SEPTIN9: variants seen among roughly 807,000 people sequenced by gnomAD.
SEPTIN9 encodes the protein septin 9.
Under a neutral mutation model 56.6 loss-of-function variants are expected in SEPTIN9, and 13 were observed. The ratio of observed to expected loss-of-function variants is 0.23; its 90% confidence interval spans 0.15 to 0.37. SEPTIN9 has a LOEUF of 0.37. Ranked by LOEUF, SEPTIN9 falls within the 10% of genes least tolerant of loss-of-function variation. The pLI is 1.00. For synonymous variants in SEPTIN9, 332 were observed against 334.1 expected, an observed-to-expected ratio of 0.99 and a Z score of 0.07; for missense variants, 650 against 823.1, an observed-to-expected ratio of 0.79 and a Z score of 2.57.
chr17:77,478,027 G>A (rs888607084), intron 3 of SEPTIN9, among the ~76,000 whole-genome samples: 1 of 151,980 alleles, frequency 6.6e-6, no homozygotes, highest in African/African-American at 2.4e-5. Context: ...GGGGTCACAG[G>A]TGTTAACCGC....
chr17:77,488,897 G>A (rs370194228), intron 7 of SEPTIN9, 33 bp downstream of exon 7: 9 of 1,609,698 alleles, frequency 5.6e-6, no homozygotes, highest in South Asian at 3.3e-5. Flanking sequence ...TCCTCATGCC[G>A]GGTGCCCTGG....
intron 2 of SEPTIN9, among the ~76,000 whole-genome samples, chr17:77,331,734 G>C (rs1178501982): frequency 6.6e-6 from 1 of 152,192 alleles, no homozygotes; most frequent in Non-Finnish European, 1.5e-5. Flanking sequence ...GAATGCACCG[G>C]AGGGCAGATG....
intron 4 of SEPTIN9, among the ~76,000 whole-genome samples, chr17:77,485,095 GTGAT>G (rs1377280425): frequency 2.2e-5 from 1 of 45,054 alleles, no homozygotes. Context: ...GGTGATGGTG[GTGAT>G]TGTGGTGATG....
intron 2 of SEPTIN9, among the ~76,000 whole-genome samples, chr17:77,332,614 G>A (rs148970823): frequency 3.9e-5 from 6 of 152,266 alleles, no homozygotes; most frequent in South Asian, 2.1e-4. Context: ...AGGTATCCAC[G>A]TGTATCCCAG....
intron 1 of SEPTIN9, among the ~76,000 whole-genome samples, chr17:77,287,576 T>A (rs2031337627): frequency 6.6e-6 from 1 of 152,242 alleles, no homozygotes; most frequent in Non-Finnish European, 1.5e-5. Flanking sequence ...TGGCCTGGCC[T>A]TGGGTCTCCA....
At chr17:77,379,980 C>G (rs1186737752) in intron 2 of SEPTIN9, 2 of 155,228 alleles carry the variant, frequency 1.3e-5, no homozygotes, top group African/African-American at 4.8e-5. Flanking sequence ...GTCCGGAACT[C>G]TCTGGAACAC....
chr17:77,347,207 G>A (rs2033918421), intron 2 of SEPTIN9, among the ~76,000 whole-genome samples: 2 of 151,966 alleles, frequency 1.3e-5, no homozygotes, highest in African/African-American at 2.4e-5. Flanking sequence ...GTGAAACCTT[G>A]TCTCTACTAA....
rs1438509540 is a variant in SEPTIN9, at chr17:77,421,129, G to A, written c.721+18426G>A. On this transcript the variant is annotated intron_variant, in intron 3 of 11. Transcript: ENST00000427177. The surrounding 1 kb of genome is among the most constrained non-coding windows in gnomAD (Gnocchi z 4.6). ...GAGTGATAACACAGCCCAGTGTCTG[G>A]GCCCCTGCCTGAGACTTTGGCTGGA... is the stretch of plus-strand genomic sequence containing the variant. 6.6e-6 allele frequency among the ~76,000 whole-genome samples: 1 copy of A among 152,176 alleles called. No individual in the cohort carries two copies. The highest frequency in any genetic ancestry group is 1.5e-5 in the Non-Finnish European group (1 of 68,026).
At chr17:77,328,276 G>A (rs2033224291) in intron 2 of SEPTIN9, among the ~76,000 whole-genome samples, 2 of 152,238 alleles carry the variant, frequency 1.3e-5, no homozygotes, top group South Asian at 4.1e-4. Context: ...GCTGTGAAAT[G>A]CCTGCTGTGT....
At chr17:77,448,358 C>T (rs2037828781) in intron 3 of SEPTIN9, among the ~76,000 whole-genome samples, 1 of 152,122 alleles carries the variant, frequency 6.6e-6, no homozygotes, top group African/African-American at 2.4e-5. Flanking sequence ...CGCCTGTAGT[C>T]CCAGCTACTT....
chr17:77,347,980 G>A (rs1350078138), intron 2 of SEPTIN9, among the ~76,000 whole-genome samples: 1 of 152,036 alleles, frequency 6.6e-6, no homozygotes, highest in Non-Finnish European at 1.5e-5. Context: ...ACTTATGATG[G>A]GTTTGTCAAG....
intron 2 of SEPTIN9, among the ~76,000 whole-genome samples, chr17:77,351,237 AC>A (rs1438485798): frequency 2.1e-5 from 2 of 93,228 alleles, no homozygotes; most frequent in African/African-American, 1.1e-4. Context: ...CAACACACAC[AC>A]ACACACACAC....
At chr17:77,287,343 G>A (rs1040485546) in intron 1 of SEPTIN9, among the ~76,000 whole-genome samples, 1 of 152,244 alleles carries the variant, frequency 6.6e-6, no homozygotes, top group African/African-American at 2.4e-5. Context: ...AGTTGTGCCT[G>A]GGCCCCGGGA....
Position 77,400,674 on chromosome 17 carries a change from G to A in SEPTIN9, c.77-1385G>A, listed in dbSNP as rs950854698. ...CTGTCATCCCTTTTCCTGTGGGCAG[G>A]GGAGGCAGTGGTGGGATCCCATGAG... On this transcript the variant is annotated intron_variant, in intron 2 of 11. Coordinates refer to ENST00000427177, the MANE Select transcript of SEPTIN9 (RefSeq NM_001113491.2). The surrounding 1 kb of genome is among the most constrained non-coding windows in gnomAD (Gnocchi z 4.1). The A allele has an allele frequency of 6.6e-6, 1 of 152,510 alleles. No individual in the cohort carries two copies. Among genetic ancestry groups the A allele is most frequent in the African/African-American group, 2.4e-5 (1 of 41,436 alleles). The allele number at this position is 152,510 out of a possible 1,614,324, so 9.4% of individuals were successfully genotyped here.
At chr17:77,491,518 G>A (rs1232266878) in intron 8 of SEPTIN9, among the ~76,000 whole-genome samples, 1 of 151,152 alleles carries the variant, frequency 6.6e-6, no homozygotes, top group African/African-American at 2.4e-5. Flanking sequence ...TTTATTAGAT[G>A]GAAGAGAAGC....
chr17:77,404,533 C>T (rs959346464), intron 3 of SEPTIN9, among the ~76,000 whole-genome samples: 1 of 152,200 alleles, frequency 6.6e-6, no homozygotes, highest in Non-Finnish European at 1.5e-5. Context: ...TAGGCATGAG[C>T]CACCCAACCC....
intron 3 of SEPTIN9, among the ~76,000 whole-genome samples, chr17:77,415,507 T>C (rs1016464758): frequency 6.6e-6 from 1 of 151,392 alleles, no homozygotes; most frequent in Non-Finnish European, 1.5e-5. Flanking sequence ...CTCGGTAGGC[T>C]GAGGCAGGAG....
intron 3 of SEPTIN9, among the ~76,000 whole-genome samples, chr17:77,479,104 C>T (rs781077634): frequency 4.6e-5 from 7 of 152,284 alleles, no homozygotes; most frequent in Admixed American, 1.3e-4. Flanking sequence ...CACAACAATG[C>T]GAATGTACTT....
intron 3 of SEPTIN9, among the ~76,000 whole-genome samples, chr17:77,441,521 A>G (rs1192983887): frequency 6.6e-6 from 1 of 152,244 alleles, no homozygotes; most frequent in African/African-American, 2.4e-5. Flanking sequence ...AAGGGAGGGC[A>G]GGAAGTTTGA....
Sources: allele counts gnomAD v4.1 joint callset (sites outside exome capture counted in the v4.1 genomes callset), GRCh38; gene constraint gnomAD v4.1.1; non-coding constraint Gnocchi (gnomAD v3.1); transcripts MANE v1.5; gene names NCBI Gene and HGNC (gene_info 2026-07-23, HGNC 2026-07-21).